The following ITPK1 variants were observed in gnomAD, a reference collection of about 807,000 sequenced individuals.
ITPK1 encodes inositol 1,3,4-trisphosphate 5/6-kinase.
ITPK1 carries 21 observed loss-of-function variants against 45.3 expected under a neutral mutation model. That is an observed-to-expected ratio of 0.46 (90% CI 0.33 to 0.67). ITPK1 has a LOEUF of 0.67. Among genes scored for constraint, ITPK1 ranks in the 30% least tolerant of loss-of-function variants. The pLI is 0.02. For synonymous variants in ITPK1, 258 were observed against 253.6 expected (o/e 1.02, Z -0.16); for missense variants, 474 against 573.5 (o/e 0.83, Z 1.77).
chr14:92,955,416 G>A (rs1050110846), intron 8 of ITPK1, among the ~76,000 whole-genome samples: 2 of 152,176 alleles, frequency 1.3e-5, no homozygotes, highest in East Asian at 1.9e-4. Flanking sequence ...GGGAGCCTGC[G>A]CTGCGTCCTC....
intron 2 of ITPK1, among the ~76,000 whole-genome samples, chr14:93,077,210 C>G (rs1457575774): frequency 3.3e-5 from 5 of 152,226 alleles, no homozygotes; most frequent in Non-Finnish European, 2.9e-5. Context: ...CCCACGGCCA[C>G]CACGTAACCT....
intron 10 of ITPK1, among the ~76,000 whole-genome samples, chr14:92,943,169 T>C (rs1887516764): frequency 3.3e-5 from 5 of 152,246 alleles, no homozygotes; most frequent in Admixed American, 2.6e-4. Context: ...CAACATCCTC[T>C]CGCCTAATCT....
intron 4 of ITPK1, among the ~76,000 whole-genome samples, chr14:93,009,810 G>A (rs1027029099): frequency 3.3e-5 from 5 of 152,154 alleles, no homozygotes; most frequent in East Asian, 1.9e-4. Flanking sequence ...AATCCCAGAC[G>A]ATGACCTCCT....
chr14:92,987,779 G>A (rs1886565576), intron 5 of ITPK1, among the ~76,000 whole-genome samples: 1 of 152,154 alleles, frequency 6.6e-6, no homozygotes, highest in African/African-American at 2.4e-5. Context: ...ACCCTTGCAG[G>A]CCAGACCTGG....
At chr14:93,015,837 G>A (rs1047116544) in intron 4 of ITPK1, among the ~76,000 whole-genome samples, 6 of 152,186 alleles carry the variant, frequency 3.9e-5, no homozygotes, top group Admixed American at 3.9e-4. Flanking sequence ...GGCAGCACCG[G>A]GTGACTAGGA....
intron 5 of ITPK1, among the ~76,000 whole-genome samples, chr14:92,972,586 TGTTTG>T (rs1885717233): frequency 6.6e-6 from 1 of 152,100 alleles, no homozygotes; most frequent in Admixed American, 6.5e-5. Context: ...CTCTTTTGTT[TGTTTG>T]TTTATTTGTT....
chr14:92,969,724 C>A (rs1218175296), intron 5 of ITPK1, among the ~76,000 whole-genome samples: 2 of 152,138 alleles, frequency 1.3e-5, no homozygotes, highest in African/African-American at 4.8e-5. Context: ...AGCGGGGAGC[C>A]CGGGAGGCTA....
chr14:93,003,161 C>T (rs546681679), intron 4 of ITPK1, among the ~76,000 whole-genome samples: 5 of 152,270 alleles, frequency 3.3e-5, no homozygotes, highest in African/African-American at 9.6e-5. Flanking sequence ...ACAGACATAA[C>T]AGTGTCAAGA....
At chr14:93,059,466 G>A (rs1269951491) in intron 3 of ITPK1, among the ~76,000 whole-genome samples, 2 of 93,272 alleles carry the variant, frequency 2.1e-5, no homozygotes, top group African/African-American at 4.5e-5. Flanking sequence ...TGCAGGTCAC[G>A]AGGCAGGGGT....
At chr14:93,080,381 A>C (rs1891388343) in intron 2 of ITPK1, among the ~76,000 whole-genome samples, 1 of 152,226 alleles carries the variant, frequency 6.6e-6, no homozygotes, top group Non-Finnish European at 1.5e-5. Flanking sequence ...AAAACTGGAA[A>C]ATATATTTTT....
In ITPK1 at chr14:92,977,984, T is replaced by C. The variant is rs569098146; in HGVS notation, c.365-15135A>G. Reference sequence around the variant, plus strand: ...ACAGTTTGGAGGGCTCAGAAGAAGATAGGAAGGTGAGGGAAAGTTTGGAAC... The same window carrying C: ...ACAGTTTGGAGGGCTCAGAAGAAGACAGGAAGGTGAGGGAAAGTTTGGAAC... On this transcript the variant is annotated intron_variant, in intron 5 of 10. Coordinates refer to ENST00000267615, the MANE Select transcript of ITPK1 (RefSeq NM_014216.6). Among the ~76,000 whole-genome samples the C allele has an allele frequency of 2.2e-4, 34 of 151,940 alleles. No homozygotes were observed. In the South Asian group the frequency reaches 3.7e-3, roughly 17 times the overall value.
At position 93,066,689 on chromosome 14, in the gene ITPK1, C is replaced by T. The variant is rs568901779; in HGVS notation, c.120+9906G>A. On this transcript the variant is annotated intron_variant, in intron 3 of 10. Coordinates refer to ENST00000267615, the MANE Select transcript of ITPK1 (RefSeq NM_014216.6). ...AAAGTGCTGGGATTACAGGTGTGAG[C>T]CACTGCACCCACCTGACATTTAGCA... 2.0e-4 allele frequency among the ~76,000 whole-genome samples: 30 copies of T among 152,280 alleles called. 1 individual carries two copies. The highest frequency in any genetic ancestry group is 3.9e-4 in the Admixed American group (6 of 15,296).
intron 3 of ITPK1, among the ~76,000 whole-genome samples, chr14:93,074,639 C>T (rs1595191846): frequency 6.6e-6 from 1 of 152,206 alleles, no homozygotes; most frequent in Non-Finnish European, 1.5e-5. Context: ...GGCGGAACCA[C>T]AGGGCAACCC....
rs1887315260 is a variant in ITPK1, at chr14:92,940,597, C to T, written c.*964G>A. The stretch of plus-strand genomic sequence containing the variant: ...GGGCCCCGATCTCCATGGTGTCATG[C>T]CGAGGCTCCCGCGCCTATCCTCACC... On this transcript the variant is annotated 3_prime_UTR_variant, in exon 11 of 11. Coordinates refer to ENST00000267615, the MANE Select transcript of ITPK1 (RefSeq NM_014216.6). 1.1e-5 allele frequency: 13 copies of T among 1,195,594 alleles called. No homozygotes were observed. The South Asian group carries it at 1.5e-4, about 14-fold the overall frequency. 74.1% of individuals were successfully genotyped at this position (1,195,594 alleles called of 1,614,324 possible).
Position 92,941,765 on chromosome 14 carries a change from G to A in ITPK1, c.1041C>T (p.Gly347=), listed in dbSNP as rs369369802. ...RHSKLLAEPA[G]GLVGERTCSA... ...TGCATGTCCGCTCGCCCACCAGGCC[G>A]CCCGCCGGCTCGGCCAGAAGCTTGC... The change falls in exon 11 of 11, where the codon GGC becomes GGT. Residue 347 remains glycine (G), a synonymous_variant. Transcript: ENST00000267615. 166 of 1,605,324 alleles carry A rather than the reference G, an allele frequency of 1.0e-4. No individual in the cohort carries two copies. Among genetic ancestry groups the A allele is most frequent in the South Asian group, 3.7e-4 (33 of 90,038 alleles).
At chr14:93,005,649 T>C (rs1356187276) in intron 4 of ITPK1, among the ~76,000 whole-genome samples, 2 of 152,216 alleles carry the variant, frequency 1.3e-5, no homozygotes, top group African/African-American at 4.8e-5. Context: ...GCAGTGTAAC[T>C]GGTACTGCTT....
At chr14:92,991,151 G>A (rs180723509) in intron 5 of ITPK1, among the ~76,000 whole-genome samples, 1 of 152,144 alleles carries the variant, frequency 6.6e-6, no homozygotes, top group South Asian at 2.1e-4. Context: ...TTTACAGTAC[G>A]CCTGAAAGGG....
intron 3 of ITPK1, among the ~76,000 whole-genome samples, chr14:93,066,683 TG>T (rs1423853794): frequency 6.6e-6 from 1 of 152,040 alleles, no homozygotes; most frequent in East Asian, 1.9e-4. Flanking sequence ...GGATTACAGG[TG>T]TGAGCCACTG....
chr14:92,973,064 G>C (rs1374303158), intron 5 of ITPK1, among the ~76,000 whole-genome samples: 1 of 152,208 alleles, frequency 6.6e-6, no homozygotes, highest in Non-Finnish European at 1.5e-5. Flanking sequence ...AGAACACGCT[G>C]TCCCATGCTG....
Sources: gnomAD v4.1 joint callset for allele counts (sites outside exome capture counted in the v4.1 genomes callset) on GRCh38, gnomAD v4.1.1 for gene constraint, MANE v1.5 for transcripts, NCBI Gene and HGNC (gene_info 2026-07-23, HGNC 2026-07-21) for gene names.